The following ALCAM variants were observed in gnomAD, a reference collection of about 807,000 sequenced individuals.
ALCAM encodes the protein CD166 antigen.
Under a neutral mutation model 70.9 loss-of-function variants are expected in ALCAM, and 30 were observed. That is an observed-to-expected ratio of 0.42 (90% confidence interval 0.32 to 0.57). The LOEUF is 0.57. Among genes scored for constraint, ALCAM ranks in the 20% least tolerant of loss-of-function variants. The pLI is 0.11. For missense variants in ALCAM, 591 were observed against 695.1 expected (o/e 0.85, Z 1.68); for synonymous variants, 249 against 242.5 (o/e 1.03, Z -0.25).
chr3:105,408,858 A>T (rs1013481459), intron 1 of ALCAM, among the ~76,000 whole-genome samples: 2 of 152,084 alleles, frequency 1.3e-5, no homozygotes, highest in African/African-American at 4.8e-5. Flanking sequence ...CAGCAAGAAA[A>T]AAAACAATTC....
At chr3:105,382,906 TAGTC>T (rs908014813) in intron 1 of ALCAM, among the ~76,000 whole-genome samples, 2 of 151,906 alleles carry the variant, frequency 1.3e-5, no homozygotes, top group African/African-American at 4.8e-5. Context: ...CTTCCCAATA[TAGTC>T]AGGGTAAAAT....
intron 1 of ALCAM, among the ~76,000 whole-genome samples, chr3:105,511,700 T>G (rs1223054958): frequency 6.6e-6 from 1 of 152,088 alleles, no homozygotes; most frequent in African/African-American, 2.4e-5. Context: ...CAAATCTATA[T>G]CCTCAGGAGA....
intron 1 of ALCAM, among the ~76,000 whole-genome samples, chr3:105,379,888 A>G (rs1935473023): frequency 6.6e-6 from 1 of 151,774 alleles, no homozygotes; most frequent in African/African-American, 2.4e-5. Flanking sequence ...TTAAAGCCCC[A>G]GTTCTTAGTT....
intron 9 of ALCAM, 136 bp from the exon 10 acceptor site, chr3:105,547,013 G>C (rs1940265839): frequency 4.8e-6 from 3 of 630,266 alleles, no homozygotes; most frequent in Non-Finnish European, 4.9e-6. Flanking sequence ...TATTTTGAAA[G>C]CATCTGAAGT....
At position 105,557,385 on chromosome 3, in the gene ALCAM, G is replaced by A. The variant is rs1308755303; in HGVS notation, c.1664+4800G>A. On this transcript the variant is annotated intron_variant, in intron 14 of 15. Transcript: ENST00000306107. ...CCATCTAGTCAATCACAGGGTCACC[G>A]GCCACTCAGAGGGCAGCACCATCCA... 4.6e-5 allele frequency among the ~76,000 whole-genome samples: 7 copies of A among 152,132 alleles called. No individual in the cohort carries two copies. The East Asian group carries it at 1.4e-3, about 29-fold the overall frequency.
intron 14 of ALCAM, among the ~76,000 whole-genome samples, chr3:105,560,587 C>G (rs1419530128): frequency 6.6e-6 from 1 of 152,092 alleles, no homozygotes; most frequent in Non-Finnish European, 1.5e-5. Flanking sequence ...CTTTTTGTGT[C>G]TACTATATGA....
intron 1 of ALCAM, among the ~76,000 whole-genome samples, chr3:105,385,403 A>C (rs1438551): frequency 0.25 from 38,154 of 151,316 alleles, 5,344 homozygotes; most frequent in Admixed American, 0.44. Context: ...CTCTTCAGAG[A>C]GGAAAGAAAG....
At chr3:105,530,094 T>G (rs1024584479) in intron 3 of ALCAM, among the ~76,000 whole-genome samples, 1 of 152,062 alleles carries the variant, frequency 6.6e-6, no homozygotes, top group African/African-American at 2.4e-5. Context: ...CCACGTAAAT[T>G]AACTGCATGT....
chr3:105,423,332 G>A (rs868251416), intron 1 of ALCAM, among the ~76,000 whole-genome samples: 3 of 151,114 alleles, frequency 2.0e-5, no homozygotes, highest in African/African-American at 2.4e-5. Flanking sequence ...TGTCTATGGC[G>A]TCTCATTTGA....
chr3:105,450,650 T>A (rs2152590654), intron 1 of ALCAM, among the ~76,000 whole-genome samples: 1 of 152,320 alleles, frequency 6.6e-6, no homozygotes, highest in South Asian at 2.1e-4. Flanking sequence ...ATGCACAACT[T>A]TAAATTCTTT....
At position 105,534,860 on chromosome 3, in the gene ALCAM, A is replaced by T. The variant is rs372983523; in HGVS notation, c.730+15A>T. On this transcript the variant is annotated intron_variant, in intron 6 of 15. Transcript: ENST00000306107. Reference sequence around the variant, plus strand: ...TGATATTTACTGTAAGTAATTCAATATATAATTATGCTATTTAATGTATTA... The same window carrying T: ...TGATATTTACTGTAAGTAATTCAATTTATAATTATGCTATTTAATGTATTA... 1.0e-5 allele frequency: 16 copies of T among 1,588,626 alleles called. No homozygotes were observed. The highest frequency in any genetic ancestry group is 1.4e-5 in the African/African-American group (1 of 73,804).
At chr3:105,537,563 T>C (rs559420374) in intron 6 of ALCAM, among the ~76,000 whole-genome samples, 3 of 152,252 alleles carry the variant, frequency 2.0e-5, no homozygotes, top group Non-Finnish European at 2.9e-5. Flanking sequence ...TCTGTTCTAC[T>C]TTCCAGATTC....
Position 105,576,896 on chromosome 3 carries a change from CT to C in ALCAM, c.*2447del, listed in dbSNP as rs962152522. On this transcript the variant is annotated 3_prime_UTR_variant, in exon 16 of 16. Coordinates refer to ENST00000306107, the MANE Select transcript of ALCAM (RefSeq NM_001627.4). Reference sequence around the variant, plus strand: ...AAAAGATAATAAAACTGAAATATGTCTTCACAGGTCTCCCACAGCTGTCTGA... The same window carrying C: ...AAAAGATAATAAAACTGAAATATGTCTCACAGGTCTCCCACAGCTGTCTGA... The C allele has an allele frequency of 6.6e-6, 1 of 152,194 alleles. No homozygotes were observed. The highest frequency in any genetic ancestry group is 1.5e-5 in the Non-Finnish European group (1 of 68,032). 9.4% of individuals were successfully genotyped at this position (152,194 alleles called of 1,614,324 possible). A position where few individuals can be genotyped will look rare whatever the true frequency, so the allele number is the denominator to read the frequency against.
intron 9 of ALCAM, among the ~76,000 whole-genome samples, chr3:105,545,658 T>A (rs886402485): frequency 5.9e-5 from 9 of 151,460 alleles, no homozygotes; most frequent in Admixed American, 5.3e-4. Context: ...ATTTACAGTG[T>A]GTTTTTGCCC....
At chr3:105,412,045 G>T (rs1403435816) in intron 1 of ALCAM, among the ~76,000 whole-genome samples, 1 of 152,050 alleles carries the variant, frequency 6.6e-6, no homozygotes, top group East Asian at 1.9e-4. Context: ...GGAGGAAATA[G>T]AATCTTTTCC....
At chr3:105,514,614 A>T (rs143378883) in intron 1 of ALCAM, among the ~76,000 whole-genome samples, 2 of 152,152 alleles carry the variant, frequency 1.3e-5, no homozygotes, top group East Asian at 3.9e-4. Flanking sequence ...ATTAAATTAT[A>T]TCAAACTTGG....
chr3:105,492,772 A>G (rs1186062620), intron 1 of ALCAM, among the ~76,000 whole-genome samples: 2 of 152,220 alleles, frequency 1.3e-5, no homozygotes, highest in African/African-American at 4.8e-5. Context: ...CTGAACATGT[A>G]CATTCATTCA....
At chr3:105,462,373 C>G (rs1363443698) in intron 1 of ALCAM, among the ~76,000 whole-genome samples, 1 of 151,316 alleles carries the variant, frequency 6.6e-6, no homozygotes, top group Admixed American at 6.6e-5. Flanking sequence ...CTGATGTGTG[C>G]CACCCCAAAT....
intron 1 of ALCAM, among the ~76,000 whole-genome samples, chr3:105,482,842 G>A (rs1384370365): frequency 6.6e-6 from 1 of 152,054 alleles, no homozygotes; most frequent in Non-Finnish European, 1.5e-5. Context: ...CTTTCTCTGT[G>A]AGTCACTAAT....
Sources: gnomAD v4.1 joint callset for allele counts (sites outside exome capture counted in the v4.1 genomes callset) on GRCh38, gnomAD v4.1.1 for gene constraint, MANE v1.5 for transcripts, NCBI Gene and HGNC (gene_info 2026-07-23, HGNC 2026-07-21) for gene names.